Variants in RALB observed in about 807,000 individuals in gnomAD.
RALB encodes the protein RAS like proto-oncogene B.
Under a neutral mutation model 21.3 loss-of-function variants are expected in RALB, and 16 were observed. The observed-to-expected ratio is 0.75, with a 90% CI of 0.51 to 1.14. The LOEUF (loss-of-function observed/expected upper bound fraction) is 1.14. RALB is among the 50% of genes most tolerant of loss of function. The pLI is 0.00. For missense variants in RALB, 161 were observed against 256.2 expected (o/e 0.63, Z 2.54); for synonymous variants, 93 against 96.1 (o/e 0.97, Z 0.19).
upstream of RALB, chr2:120,252,614 G>A: frequency 5.0e-6 from 1 of 198,192 alleles, no homozygotes; most frequent in Non-Finnish European, 9.1e-6. Flanking sequence ...CCGAGGGGCA[G>A]AGAGAGAAAC....
intron 1 of RALB, among the ~76,000 whole-genome samples, chr2:120,263,360 C>T (rs572193177): frequency 1.1e-4 from 17 of 151,940 alleles, no homozygotes; most frequent in African/African-American, 2.2e-4. Context: ...GGTTTTGCCA[C>T]GTTGCCCAGG....
intron 1 of RALB, among the ~76,000 whole-genome samples, chr2:120,272,591 G>T (rs1689691883): frequency 6.6e-6 from 1 of 152,186 alleles, no homozygotes; most frequent in Admixed American, 6.5e-5. Flanking sequence ...GGGATAAAAT[G>T]TTGGGGAAGA....
At chr2:120,259,077 C>T (rs1230518006) in intron 1 of RALB, among the ~76,000 whole-genome samples, 1 of 152,024 alleles carries the variant, frequency 6.6e-6, no homozygotes, top group Non-Finnish European at 1.5e-5. Context: ...TCTTGCTGGG[C>T]TCGGGAGTGA....
chr2:120,260,670 G>A (rs766248965), intron 1 of RALB, among the ~76,000 whole-genome samples: 29 of 152,258 alleles, frequency 1.9e-4, no homozygotes, highest in Non-Finnish European at 4.1e-4. Flanking sequence ...GAGAATGTGG[G>A]CTGTGGAAGC....
At chr2:120,254,177 T>A in intron 1 of RALB, among the ~76,000 whole-genome samples, 1 of 152,178 alleles carries the variant, frequency 6.6e-6, no homozygotes. Context: ...TTTACCGGTG[T>A]TGTGATGTGG....
intron 1 of RALB, among the ~76,000 whole-genome samples, chr2:120,273,949 C>A (rs549242994): frequency 6.6e-6 from 1 of 152,186 alleles, no homozygotes; most frequent in South Asian, 2.1e-4. Context: ...TGGGAAGTAT[C>A]GGGGTGTGTT....
In RALB at chr2:120,293,433, A is replaced by AG. The variant is rs1170240030; in HGVS notation, c.*174dup. On this transcript the variant is annotated 3_prime_UTR_variant, in exon 5 of 5. Coordinates refer to ENST00000272519, the MANE Select transcript of RALB (RefSeq NM_002881.3). ...GACTCTGTGGCTGGCAGAAGAAATA[A>AG]GCCCATGCAAGTGGAAGGGCTGCTT... The AG allele has an allele frequency of 1.8e-6, 1 of 558,564 alleles. No individual in the cohort carries two copies. The highest frequency in any genetic ancestry group is 2.7e-6 in the Non-Finnish European group (1 of 369,052). 34.6% of individuals were successfully genotyped at this position (558,564 alleles called of 1,614,324 possible). A position where few individuals can be genotyped will look rare whatever the true frequency, so the allele number is the denominator to read the frequency against.
intron 1 of RALB, among the ~76,000 whole-genome samples, chr2:120,240,889 A>G (rs912429544): frequency 2.6e-5 from 4 of 152,154 alleles, no homozygotes; most frequent in African/African-American, 7.2e-5. Flanking sequence ...AGGCTGCCAC[A>G]TACTCAGCCT....
intron 1 of RALB, chr2:120,253,554 G>T (rs1478596991): frequency 4.0e-5 from 39 of 985,466 alleles, no homozygotes; most frequent in Middle Eastern, 5.2e-4. Context: ...CTAAGGGGAA[G>T]CGCCTGGACT....
At chr2:120,275,878 C>G (rs1367069250) in intron 1 of RALB, among the ~76,000 whole-genome samples, 2 of 152,154 alleles carry the variant, frequency 1.3e-5, no homozygotes, top group African/African-American at 2.4e-5. Context: ...GAACGGTTCT[C>G]TGCCACAGAG....
chr2:120,256,851 G>A lies in RALB; in HGVS notation c.-48+3871G>A, dbSNP rs1482217396. On this transcript the variant is annotated intron_variant, in intron 1 of 4. Coordinates refer to ENST00000272519, the MANE Select transcript of RALB (RefSeq NM_002881.3). The stretch of plus-strand genomic sequence containing the variant: ...TCAGGGCACATCAGTATTCTTGGAG[G>A]CTAGCCACCACAACTTTTTTAAGGT... Among the ~76,000 whole-genome samples the A allele has an allele frequency of 3.9e-5, 6 of 152,312 alleles. No homozygotes were observed. The South Asian group carries it at 1.2e-3, about 32-fold the overall frequency.
chr2:120,253,080 CTGTG>C, intron 1 of RALB, 100 bp downstream of exon 1: 1 of 818,594 alleles, frequency 1.2e-6, no homozygotes, highest in Non-Finnish European at 1.5e-6. Context: ...CCGTGCCGGG[CTGTG>C]GCCGGGCGGC....
chr2:120,293,526 G>T lies in RALB; in HGVS notation c.*266G>T. 4.5e-6 allele frequency: 1 copy of T among 223,604 alleles called. No individual in the cohort carries two copies. The highest frequency in any genetic ancestry group is 8.7e-6 in the Non-Finnish European group (1 of 114,810). The allele number at this position is 223,604 out of a possible 1,614,324, so 13.9% of individuals were successfully genotyped here. Reference sequence around the variant, plus strand: ...TCCCAAAAGCTTAGCTATGTATAAAGTGCCACAGATAGGAAACAGCTGTTA... The same window carrying T: ...TCCCAAAAGCTTAGCTATGTATAAATTGCCACAGATAGGAAACAGCTGTTA... On this transcript the variant is annotated 3_prime_UTR_variant, in exon 5 of 5. Coordinates refer to ENST00000272519, the MANE Select transcript of RALB (RefSeq NM_002881.3).
chr2:120,290,293 A>G (rs1213197486), intron 4 of RALB, among the ~76,000 whole-genome samples: 2 of 152,132 alleles, frequency 1.3e-5, no homozygotes, highest in Admixed American at 6.5e-5. Flanking sequence ...CCGGCGGACT[A>G]TGCTTACTGT....
chr2:120,243,877 G>A (rs961028278), intron 1 of RALB, among the ~76,000 whole-genome samples: 3 of 152,146 alleles, frequency 2.0e-5, no homozygotes, highest in Admixed American at 6.5e-5. Flanking sequence ...GGGTGTTCCA[G>A]GGCCTGCCAC....
At chr2:120,260,564 C>T (rs1016725531) in intron 1 of RALB, among the ~76,000 whole-genome samples, 11 of 152,128 alleles carry the variant, frequency 7.2e-5, no homozygotes, top group African/African-American at 2.2e-4. Context: ...GACTGAGCTC[C>T]GAGAAGTGCT....
At chr2:120,281,264 G>A (rs1472339111) in intron 2 of RALB, among the ~76,000 whole-genome samples, 2 of 152,306 alleles carry the variant, frequency 1.3e-5, no homozygotes, top group Non-Finnish European at 2.9e-5. Context: ...GCCATGTGCC[G>A]TCTCCATAGG....
At chr2:120,269,380 G>A (rs1260184793) in intron 1 of RALB, among the ~76,000 whole-genome samples, 1 of 152,206 alleles carries the variant, frequency 6.6e-6, no homozygotes, top group Non-Finnish European at 1.5e-5. Context: ...AAGAGTGAAA[G>A]AACAAAGCTT....
At chr2:120,253,654 C>A in intron 1 of RALB, 6 of 985,488 alleles carry the variant, frequency 6.1e-6, no homozygotes, top group Non-Finnish European at 6.0e-6. Flanking sequence ...CTTGCTGCGT[C>A]CACACTGCTT....
Sources: gnomAD v4.1 joint callset for allele counts (sites outside exome capture counted in the v4.1 genomes callset) on GRCh38, gnomAD v4.1.1 for gene constraint, MANE v1.5 for transcripts, NCBI Gene and HGNC (gene_info 2026-07-23, HGNC 2026-07-21) for gene names.